SHISAL1: variants seen among roughly 807,000 people sequenced by gnomAD.
SHISAL1 encodes protein shisa-like-1.
SHISAL1 carries 9 observed loss-of-function variants against 22.6 expected under a neutral mutation model. The ratio of observed to expected loss-of-function variants is 0.40; its 90% CI spans 0.24 to 0.70. The LOEUF is 0.70. Among genes scored for constraint, SHISAL1 ranks in the 30% least tolerant of loss-of-function variants. The pLI is 0.39. For missense variants in SHISAL1, 246 were observed against 270.6 expected (o/e 0.91, Z 0.64); for synonymous variants, 119 against 115.4 (o/e 1.03, Z -0.20).
chr22:44,249,732 T>C (rs763607213), intron 4 of SHISAL1, 47 bp from the exon 5 acceptor site: 6 of 778,178 alleles, frequency 7.7e-6, no homozygotes, highest in African/African-American at 5.1e-5. Context: ...GTCTCCTCCA[T>C]GGGGACATTT....
At chr22:44,294,247 A>G (rs1292873004) in intron 3 of SHISAL1, among the ~76,000 whole-genome samples, 1 of 152,188 alleles carries the variant, frequency 6.6e-6, no homozygotes, top group African/African-American at 2.4e-5. Flanking sequence ...CTAAGGGCTG[A>G]GCAGATGGCG....
rs756398992 is a variant in SHISAL1, at chr22:44,300,909, C to T, written c.37G>A (p.Ala13Thr). ...SCGQQSLNVL[A>T]VLFSLLFSAV... ...GAAAACAGCAATGAGAAGAGGACGG[C>T]GAGCACGTTCAAGGACTGCTGGCCA... The change falls in exon 2 of 5, where the codon GCC (alanine) becomes ACC (threonine). Residue 13 changes from alanine (A) to threonine (T), a missense_variant. Ala to Thr is a moderately conservative substitution (Grantham distance 58). This residue lies in a region of SHISAL1 where 110 missense variants were observed against 153.1 expected (regional missense o/e 0.72). Coordinates refer to ENST00000381176, the MANE Select transcript of SHISAL1 (RefSeq NM_001099294.2). 7 of 1,614,030 alleles carry T rather than the reference C, an allele frequency of 4.3e-6. No individual in the cohort carries two copies. The highest frequency in any genetic ancestry group is 3.3e-5 in the Admixed American group (2 of 60,000).
At chr22:44,309,656 C>T (rs1304664631) in intron 1 of SHISAL1, among the ~76,000 whole-genome samples, 2 of 152,204 alleles carry the variant, frequency 1.3e-5, no homozygotes, top group Non-Finnish European at 2.9e-5. Flanking sequence ...CTGCAGGCAG[C>T]ACTTGTGTGC....
chr22:44,275,215 A>G (rs1167894930), intron 4 of SHISAL1, among the ~76,000 whole-genome samples: 4 of 152,162 alleles, frequency 2.6e-5, no homozygotes, highest in African/African-American at 7.2e-5. Context: ...AGAAGAGTAC[A>G]CCTGCCACCT....
the SHISAL1 span, among the ~76,000 whole-genome samples, chr22:44,331,291 T>G: frequency 6.8e-6 from 1 of 147,360 alleles, no homozygotes; most frequent in African/African-American, 2.5e-5. This position sits in a 1 kb window ranked among gnomAD's most constrained non-coding sequence, Gnocchi z 5.2. Flanking sequence ...CCCCGTCATA[T>G]GCCCCTTACC....
rs114452403 is a variant in SHISAL1 at position 44,251,396 on chromosome 22, C to T, written c.*-1711G>A. ...CTTCTTAAAAAAATTATTAAGGATA[C>T]GCTTAGGCAAATCAAGAATGATTCA... On this transcript the variant is annotated intron_variant, in intron 4 of 4. Coordinates refer to ENST00000381176, the MANE Select transcript of SHISAL1 (RefSeq NM_001099294.2). Among the ~76,000 whole-genome samples, 288 of 152,216 alleles carry T rather than the reference C, an allele frequency of 1.9e-3. 1 individual carries two copies. Among genetic ancestry groups the T allele is most frequent in the African/African-American group, 6.3e-3 (263 of 41,540 alleles).
intron 3 of SHISAL1, 143 bp from the exon 4 acceptor site, chr22:44,285,888 C>T (rs1041177767): frequency 2.9e-6 from 2 of 699,730 alleles, no homozygotes; most frequent in Non-Finnish European, 4.8e-6. Flanking sequence ...CTCTGGAGGG[C>T]GGGGCCTTGG....
intron 4 of SHISAL1, among the ~76,000 whole-genome samples, chr22:44,250,952 C>T (rs1354735036): frequency 6.6e-6 from 1 of 152,244 alleles, no homozygotes; most frequent in Non-Finnish European, 1.5e-5. Flanking sequence ...AGAACCTACT[C>T]TCCACCCTTT....
At chr22:44,270,505 G>A (rs6006716) in intron 4 of SHISAL1, among the ~76,000 whole-genome samples, 9,996 of 152,214 alleles carry the variant, frequency 0.066, 1,126 homozygotes, top group African/African-American at 0.23. Flanking sequence ...ACACTTGTGG[G>A]AGGAGCTGGG....
At chr22:44,300,813 C>T (rs2055422702) in intron 2 of SHISAL1, 66 bp downstream of exon 2, 29 of 1,406,272 alleles carry the variant, frequency 2.1e-5, no homozygotes, top group South Asian at 3.5e-5. Flanking sequence ...TGGGCCAGCA[C>T]GAATCTCAGG....
chr22:44,324,748 G>C, the SHISAL1 span, among the ~76,000 whole-genome samples: 1 of 152,182 alleles, frequency 6.6e-6, no homozygotes, highest in African/African-American at 2.4e-5. Context: ...CTTGGGGAAG[G>C]AGGCAGCCTG....
At chr22:44,293,231 G>A (rs2055365016) in intron 3 of SHISAL1, among the ~76,000 whole-genome samples, 1 of 152,234 alleles carries the variant, frequency 6.6e-6, no homozygotes, top group South Asian at 2.1e-4. Flanking sequence ...GCCTGGGGGA[G>A]GAGAAGGAGC....
At chr22:44,301,634 G>C (rs545458308) in intron 1 of SHISAL1, among the ~76,000 whole-genome samples, 56 of 152,276 alleles carry the variant, frequency 3.7e-4, no homozygotes, top group African/African-American at 1.3e-3. Context: ...CTTCACCTTA[G>C]TCAAAAGGTA....
intron 3 of SHISAL1, among the ~76,000 whole-genome samples, chr22:44,289,545 T>C (rs2055338933): frequency 6.6e-6 from 1 of 151,356 alleles, no homozygotes; most frequent in Non-Finnish European, 1.5e-5. Context: ...AATTGACACA[T>C]GACATGACCC....
chr22:44,254,689 G>A (rs1187554663), intron 4 of SHISAL1, among the ~76,000 whole-genome samples: 1 of 152,026 alleles, frequency 6.6e-6, no homozygotes, highest in East Asian at 1.9e-4. Context: ...GAAACACAAT[G>A]AGACATGTTC....
At chr22:44,273,664 C>G (rs997803657) in intron 4 of SHISAL1, among the ~76,000 whole-genome samples, 1 of 152,268 alleles carries the variant, frequency 6.6e-6, no homozygotes, top group South Asian at 2.1e-4. Context: ...TATGGTATTG[C>G]TTACAGCAAA....
intron 1 of SHISAL1, among the ~76,000 whole-genome samples, chr22:44,301,914 A>AG (rs1203037990): frequency 3.3e-5 from 5 of 149,986 alleles, no homozygotes; most frequent in Non-Finnish European, 7.4e-5. Context: ...GGCTTGGGGG[A>AG]GGGGGATGGG....
At chr22:44,316,707 C>T (rs1275057801), upstream of SHISAL1, among the ~76,000 whole-genome samples, 1 of 152,224 alleles carries the variant, frequency 6.6e-6, no homozygotes, top group Non-Finnish European at 1.5e-5. Flanking sequence ...GTTGGAAATG[C>T]AGGCTCTCGC....
At chr22:44,315,709 C>A (rs74335946), upstream of SHISAL1, among the ~76,000 whole-genome samples, 6,803 of 152,292 alleles carry the variant, frequency 0.045, 208 homozygotes, top group Non-Finnish European at 0.062. Context: ...TGGCGGGTCA[C>A]CTGCCTCGAG....
Sources: gnomAD v4.1 joint callset for allele counts (sites outside exome capture counted in the v4.1 genomes callset) on GRCh38, gnomAD v4.1.1 for gene constraint, gnomAD v4.1.1 regional missense constraint, Gnocchi (gnomAD v3.1) non-coding constraint, MANE v1.5 for transcripts, NCBI Gene and HGNC (gene_info 2026-07-23, HGNC 2026-07-21) for gene names.